LRRC4C: variants seen among roughly 807,000 people sequenced by gnomAD.
The protein encoded by LRRC4C is leucine rich repeat containing 4C.
LRRC4C carries 5 observed loss-of-function variants against 33.6 expected under a neutral mutation model. The ratio of observed to expected loss-of-function variants is 0.15; its 90% CI spans 0.08 to 0.31. The LOEUF (loss-of-function observed/expected upper bound fraction) is 0.31. LRRC4C is among the 10% of genes least tolerant of loss of function. The probability of loss-of-function intolerance (pLI) is 1.00; values close to 1 mark genes in which losing one functional copy is unlikely to be tolerated. For missense variants in LRRC4C, 560 were observed against 796.7 expected, an observed-to-expected ratio of 0.70 and a Z score of 3.58; for synonymous variants, 329 against 302.0, an observed-to-expected ratio of 1.09 and a Z score of -0.93.
intron 1 of LRRC4C, among the ~76,000 whole-genome samples, chr11:41,391,006 G>A (rs1953569142): frequency 6.7e-6 from 1 of 148,600 alleles, no homozygotes; most frequent in Non-Finnish European, 1.5e-5. Flanking sequence ...AAAGTGTCCT[G>A]CCTTGGGCCA....
intron 3 of LRRC4C, among the ~76,000 whole-genome samples, chr11:40,471,635 G>A (rs928263328): frequency 1.4e-5 from 2 of 146,764 alleles, no homozygotes; most frequent in Non-Finnish European, 3.0e-5. Flanking sequence ...ACACACATAA[G>A]CTCAAAATAA....
At chr11:40,278,507 A>G (rs1287720895) in intron 4 of LRRC4C, among the ~76,000 whole-genome samples, 1 of 152,164 alleles carries the variant, frequency 6.6e-6, no homozygotes, top group Non-Finnish European at 1.5e-5. Context: ...TTTCCGAAAA[A>G]GGACTTGTAA....
chr11:40,429,568 T>TAAAAAAAAAAAA (rs59538764), intron 3 of LRRC4C, among the ~76,000 whole-genome samples: 1 of 147,696 alleles, frequency 6.8e-6, no homozygotes, highest in African/African-American at 2.5e-5. Context: ...GCAATAATAA[T>TAAAAAAAAAAAA]AAAAAAAAAA....
chr11:41,040,318 TA>T (rs56344731), intron 1 of LRRC4C, among the ~76,000 whole-genome samples: 11,605 of 151,968 alleles, frequency 0.076, 578 homozygotes, highest in African/African-American at 0.14. Context: ...AATGCATATT[TA>T]AAAAAATCAA....
intron 3 of LRRC4C, among the ~76,000 whole-genome samples, chr11:40,522,615 A>G (rs2135240714): frequency 6.6e-6 from 1 of 152,284 alleles, no homozygotes; most frequent in African/African-American, 2.4e-5. Flanking sequence ...AAGAAGTAAT[A>G]TTTAAATTTT....
intron 3 of LRRC4C, among the ~76,000 whole-genome samples, chr11:40,339,603 T>C (rs1315276971): frequency 1.3e-5 from 2 of 152,222 alleles, no homozygotes; most frequent in African/African-American, 4.8e-5. Context: ...TGGTTGAACA[T>C]ACTTAGTACA....
At chr11:40,367,388 C>A (rs149236395) in intron 3 of LRRC4C, among the ~76,000 whole-genome samples, 2 of 152,200 alleles carry the variant, frequency 1.3e-5, no homozygotes, top group Admixed American at 1.3e-4. Context: ...AATCCACTTA[C>A]AGATTACACA....
At chr11:41,378,098 G>A (rs1333878307) in intron 1 of LRRC4C, among the ~76,000 whole-genome samples, 1 of 152,072 alleles carries the variant, frequency 6.6e-6, no homozygotes, top group African/African-American at 2.4e-5. Flanking sequence ...CTGCAGAAAT[G>A]TACTTAATTA....
chr11:41,048,213 G>A (rs1857923974), intron 1 of LRRC4C, among the ~76,000 whole-genome samples: 1 of 148,534 alleles, frequency 6.7e-6, no homozygotes, highest in Admixed American at 6.8e-5. Context: ...GTTGGGATGT[G>A]TAAAAGAGGA....
intron 1 of LRRC4C, among the ~76,000 whole-genome samples, chr11:41,082,064 G>A (rs942409998): frequency 2.6e-5 from 4 of 152,122 alleles, no homozygotes; most frequent in Admixed American, 6.6e-5. Context: ...CTCAATGGTC[G>A]CTTGTCTCAT....
At chr11:40,728,543 A>G (rs1315130309) in intron 2 of LRRC4C, among the ~76,000 whole-genome samples, 1 of 149,080 alleles carries the variant, frequency 6.7e-6, no homozygotes, top group Non-Finnish European at 1.5e-5. Context: ...GGAGAATGGT[A>G]TGAACCAGAG....
At chr11:40,991,098 ATGG>A (rs1853520651) in intron 1 of LRRC4C, among the ~76,000 whole-genome samples, 1 of 151,272 alleles carries the variant, frequency 6.6e-6, no homozygotes, top group African/African-American at 2.4e-5. Flanking sequence ...AAAAAAGAAA[ATGG>A]ACATTATTTA....
intron 1 of LRRC4C, among the ~76,000 whole-genome samples, chr11:41,170,108 CTGATATCAAATCTCAGCTTTT>C (rs1216561322): frequency 6.6e-6 from 1 of 152,098 alleles, no homozygotes; most frequent in East Asian, 1.9e-4. Context: ...GAATCCTTCA[CTGATATCAAATCTCAGCTTTT>C]TGGTTTATTT....
At chr11:40,951,422 TA>T (rs199898612) in intron 1 of LRRC4C, among the ~76,000 whole-genome samples, 35,735 of 148,670 alleles carry the variant, frequency 0.24, 4,562 homozygotes, top group Middle Eastern at 0.33. Context: ...GAGTGAAAAT[TA>T]AAAAAAAAAA....
chr11:40,879,170 C>T (rs1955051851), intron 2 of LRRC4C, among the ~76,000 whole-genome samples: 1 of 152,094 alleles, frequency 6.6e-6, no homozygotes, highest in African/African-American at 2.4e-5. Context: ...AATCAGTTTC[C>T]ATCTGAAAAG....
intron 1 of LRRC4C, among the ~76,000 whole-genome samples, chr11:40,985,322 C>G (rs1417845216): frequency 6.6e-6 from 1 of 151,888 alleles, no homozygotes; most frequent in Non-Finnish European, 1.5e-5. Context: ...CTGAAAGATA[C>G]ATTTATCTTC....
rs148893120 is a variant in LRRC4C, at chr11:40,196,136, G to A, written c.-96+45383C>T. 2.9e-3 allele frequency among the ~76,000 whole-genome samples: 437 copies of A among 152,234 alleles called. 1 individual carries two copies. The highest frequency in any genetic ancestry group is 1.0e-2 in the African/African-American group (414 of 41,544). ...CTTGTGTTTCTAGTAGGAGCTTTTT[G>A]CTTCTCGTGGATAAGGATTGAACAG... On this transcript the variant is annotated intron_variant, in intron 5 of 6. Transcript: ENST00000528697.
At chr11:40,766,773 A>G (rs1949492682) in intron 2 of LRRC4C, among the ~76,000 whole-genome samples, 1 of 152,058 alleles carries the variant, frequency 6.6e-6, no homozygotes, top group Non-Finnish European at 1.5e-5. Context: ...TAAAAAACCT[A>G]CAAGAGATAC....
chr11:40,714,239 G>A (rs1265300407), intron 2 of LRRC4C, among the ~76,000 whole-genome samples: 1 of 152,104 alleles, frequency 6.6e-6, no homozygotes, highest in African/African-American at 2.4e-5. Flanking sequence ...GAACCACCAT[G>A]TCATTTCAAA....
Sources: allele counts gnomAD v4.1 joint callset (sites outside exome capture counted in the v4.1 genomes callset), GRCh38; gene constraint gnomAD v4.1.1; transcripts MANE v1.5; gene names NCBI Gene and HGNC (gene_info 2026-07-23, HGNC 2026-07-21).